IFT122: variants seen among roughly 807,000 people sequenced by gnomAD.
The protein encoded by IFT122 is intraflagellar transport 122, also known as intraflagellar transport protein 122 homolog.
IFT122 carries 118 observed loss-of-function variants against 161.6 expected under a neutral mutation model. That is an observed-to-expected ratio of 0.73 (90% CI 0.63 to 0.85). The LOEUF is 0.85. Ranked by LOEUF, IFT122 falls within the 40% of genes least tolerant of loss-of-function variation. IFT122 has a pLI of 0.00. For synonymous variants in IFT122, 550 were observed against 602.4 expected, an observed-to-expected ratio of 0.91 and a Z score of 1.27; for missense variants, 1,381 against 1,579.6, an observed-to-expected ratio of 0.87 and a Z score of 2.13.
chr3:129,475,172 A>C (rs1373275116), intron 9 of IFT122, among the ~76,000 whole-genome samples: 6 of 152,170 alleles, frequency 3.9e-5, no homozygotes. Context: ...GCCAATAAGC[A>C]CATGAAATGA....
intron 18 of IFT122, among the ~76,000 whole-genome samples, chr3:129,498,702 A>G (rs1337274905): frequency 6.6e-6 from 1 of 152,204 alleles, no homozygotes; most frequent in African/African-American, 2.4e-5. Flanking sequence ...CATTGACTGT[A>G]CTTTTCTGAC....
In IFT122 at chr3:129,495,523, G is replaced by T. The variant is rs773965472; in HGVS notation, c.2124G>T (p.Glu708Asp). 6.2e-7 allele frequency: 1 copy of T among 1,614,082 alleles called. No homozygotes were observed. Among genetic ancestry groups the T allele is most frequent in the Non-Finnish European group, 8.5e-7 (1 of 1,180,058 alleles). Residue 708 changes from glutamate to aspartate, a missense_variant, in exon 18 of 30, where the codon GAG (glutamate) becomes GAT (aspartate). By Grantham distance (45) the Glu-to-Asp change is conservative (BLOSUM62 2). Around this residue, in one of 7 missense-constraint regions of IFT122, gnomAD observed 496 missense variants for 502.5 expected, o/e 0.99. Coordinates refer to ENST00000348417, the MANE Select transcript of IFT122 (RefSeq NM_052989.3). ...TTTCCTACCAGGGGAAGTTCCATGA[G>T]GCCGCCAAACTGTACAAGAGGAGTG... is the stretch of plus-strand genomic sequence containing the variant. The part of the protein sequence containing the change: ...DVFSYQGKFH[E>D]AAKLYKRSGH...
chr3:129,489,379 T>G (rs958300721), intron 16 of IFT122, among the ~76,000 whole-genome samples: 30 of 152,168 alleles, frequency 2.0e-4, no homozygotes, highest in Non-Finnish European at 3.5e-4. Context: ...CCCGCTGCAG[T>G]CATGAGGCTT....
intron 9 of IFT122, among the ~76,000 whole-genome samples, chr3:129,471,081 G>A (rs13066438): frequency 0.026 from 3,991 of 152,300 alleles, 76 homozygotes; most frequent in Non-Finnish European, 0.042. Context: ...AAGGATTAGA[G>A]TAAAGGTGCT....
Position 129,515,486 on chromosome 3 carries a change from A to G in IFT122, c.3154-2A>G. The G allele has an allele frequency of 7.6e-7, 1 of 1,311,806 alleles. No individual in the cohort carries two copies. Among genetic ancestry groups the G allele is most frequent in the Non-Finnish European group, 1.1e-6 (1 of 915,150 alleles). 81.3% of individuals were successfully genotyped at this position (1,311,806 alleles called of 1,614,324 possible). ...CCTCGGGAGTCCGTGGCTGTTTTGT[A>G]GGAGTTGGTGCCCTTGTGCTACCGC... On this transcript the variant is annotated splice_acceptor_variant, in intron 25 of 29. Coordinates refer to ENST00000348417, the MANE Select transcript of IFT122 (RefSeq NM_052989.3). LOFTEE classifies it high-confidence loss of function.
At chr3:129,495,392 C>A in intron 17 of IFT122, 54 bp from the exon 18 acceptor site, 1 of 1,606,528 alleles carries the variant, frequency 6.2e-7, no homozygotes. Context: ...TTTGTAAAGG[C>A]TGCTTCCTGC....
At chr3:129,517,018 GCA>G (rs1373019748) in intron 26 of IFT122, among the ~76,000 whole-genome samples, 1 of 75,750 alleles carries the variant, frequency 1.3e-5, no homozygotes, top group African/African-American at 5.3e-5. Context: ...AACTGCCCCT[GCA>G]CACACACAGA....
At chr3:129,471,056 T>G (rs1409631985) in intron 9 of IFT122, among the ~76,000 whole-genome samples, 4 of 152,190 alleles carry the variant, frequency 2.6e-5, no homozygotes, top group South Asian at 2.1e-4. Flanking sequence ...GACTTATTAG[T>G]AGGCAGGAAA....
intron 9 of IFT122, among the ~76,000 whole-genome samples, chr3:129,475,750 G>C (rs1378529804): frequency 6.6e-6 from 1 of 152,168 alleles, no homozygotes; most frequent in Non-Finnish European, 1.5e-5. Context: ...GGAGTTGAAG[G>C]CTGCAGTGAG....
At chr3:129,492,816 CTTTTT>C (rs376279677) in intron 17 of IFT122, among the ~76,000 whole-genome samples, 1 of 125,714 alleles carries the variant, frequency 8.0e-6, no homozygotes, top group Admixed American at 8.1e-5. Context: ...CTTTTTTTTT[CTTTTT>C]TTTTTTTTTT....
At chr3:129,487,942 C>T (rs114073367) in intron 15 of IFT122, 1 of 440,480 alleles carries the variant, frequency 2.3e-6, no homozygotes, top group Non-Finnish European at 4.3e-6. Context: ...TTTCCAGAGG[C>T]AGAGTGGGGA....
chr3:129,511,459 A>G (rs2082818544), intron 23 of IFT122, among the ~76,000 whole-genome samples: 1 of 152,216 alleles, frequency 6.6e-6, no homozygotes, highest in African/African-American at 2.4e-5. Flanking sequence ...AGGGCCTCAC[A>G]AGACCCTTCT....
At chr3:129,505,394 C>T (rs116514402) in intron 21 of IFT122, among the ~76,000 whole-genome samples, 286 of 152,342 alleles carry the variant, frequency 1.9e-3, no homozygotes, top group African/African-American at 6.7e-3. Flanking sequence ...GTTGGAGCCC[C>T]TCAACCGAAA....
chr3:129,448,703 T>G (rs969551757), intron 1 of IFT122, among the ~76,000 whole-genome samples: 18 of 151,898 alleles, frequency 1.2e-4, no homozygotes, highest in African/African-American at 3.1e-4. Context: ...ATTTATTTTT[T>G]TTTTTTGAGA....
At chr3:129,476,534 G>A in intron 10 of IFT122, 28 bp downstream of exon 10, 1 of 1,613,946 alleles carries the variant, frequency 6.2e-7, no homozygotes, top group Non-Finnish European at 8.5e-7. Flanking sequence ...GTTCTGTGGG[G>A]CCATGGCTTG....
At chr3:129,452,022 A>G in intron 3 of IFT122, 24 bp downstream of exon 3, 2 of 1,473,936 alleles carry the variant, frequency 1.4e-6, no homozygotes, top group South Asian at 1.1e-5. Flanking sequence ...CTGGGTTTCC[A>G]TTCTCTATAA....
rs368229661 is a variant in IFT122, at chr3:129,496,209, C to A, written c.2208+602C>A. Among the ~76,000 whole-genome samples, 1,384 of 152,110 alleles carry A rather than the reference C, an allele frequency of 9.1e-3. 9 individuals are homozygous for A. Among genetic ancestry groups the A allele is most frequent in the South Asian group, 0.024 (114 of 4,818 alleles). ...TTCCCTTTTGCATTGGGACGGCCCC[C>A]ATGAACCTTACTCCCCAGCAGAGCT... On this transcript the variant is annotated intron_variant, in intron 18 of 29. Transcript: ENST00000348417.
chr3:129,453,160 C>G (rs2075055988), intron 3 of IFT122, among the ~76,000 whole-genome samples: 1 of 151,990 alleles, frequency 6.6e-6, no homozygotes, highest in South Asian at 2.1e-4. Flanking sequence ...GTTGAGTAGG[C>G]AAGAGGAGAT....
chr3:129,450,713 GTTTTTTTTTTTTT>G (rs747032492), intron 2 of IFT122, among the ~76,000 whole-genome samples: 1 of 80,966 alleles, frequency 1.2e-5, no homozygotes, highest in Admixed American at 1.6e-4. Context: ...GTGTGTGTGT[GTTTTTTTTTTTTT>G]TTTTTTTTTT....
Sources: allele counts gnomAD v4.1 joint callset (sites outside exome capture counted in the v4.1 genomes callset), GRCh38; gene constraint gnomAD v4.1.1; regional missense constraint gnomAD v4.1.1; transcripts MANE v1.5; gene names NCBI Gene and HGNC (gene_info 2026-07-23, HGNC 2026-07-21).